DNAL1: variants seen among roughly 807,000 people sequenced by gnomAD.
The protein encoded by DNAL1 is chromosome 14 open reading frame 168.
DNAL1 carries 17 observed loss-of-function variants against 29.4 expected under a neutral mutation model. The ratio of observed to expected loss-of-function variants is 0.58; its 90% confidence interval spans 0.40 to 0.87. DNAL1 has a LOEUF of 0.87. DNAL1 is among the 40% of genes least tolerant of loss of function. DNAL1 has a pLI of 0.00. For missense variants in DNAL1, 188 were observed against 214.1 expected (o/e 0.88, Z 0.76); for synonymous variants, 78 against 76.3 (o/e 1.02, Z -0.12).
chr14:73,681,685 C>T (rs1460446647), intron 5 of DNAL1, among the ~76,000 whole-genome samples: 3 of 135,824 alleles, frequency 2.2e-5, no homozygotes, highest in Non-Finnish European at 3.0e-5. Flanking sequence ...ACACTGTAGT[C>T]CTAGGTATCA....
At chr14:73,645,134 G>A in intron 1 of DNAL1, 92 bp downstream of exon 1, 1 of 1,556,930 alleles carries the variant, frequency 6.4e-7, no homozygotes, top group South Asian at 1.2e-5. Flanking sequence ...GGGGGTCCTT[G>A]AACAGCGGAA....
intron 1 of DNAL1, among the ~76,000 whole-genome samples, chr14:73,647,981 T>C (rs1891017873): frequency 6.6e-6 from 1 of 152,106 alleles, no homozygotes. Flanking sequence ...CCATTTCTTC[T>C]TGTTTGTTCG....
intron 5 of DNAL1, among the ~76,000 whole-genome samples, chr14:73,678,690 A>G (rs1407347120): frequency 6.6e-6 from 1 of 152,082 alleles, no homozygotes; most frequent in African/African-American, 2.4e-5. Context: ...TTTTTCATAC[A>G]TGGACAAAGA....
At chr14:73,664,643 T>C (rs1490744917) in intron 4 of DNAL1, among the ~76,000 whole-genome samples, 1 of 152,028 alleles carries the variant, frequency 6.6e-6, no homozygotes, top group Non-Finnish European at 1.5e-5. Context: ...CTGAGGCAGG[T>C]GGATCACTTA....
chr14:73,645,067 C>T (rs1230324077), intron 1 of DNAL1, 25 bp downstream of exon 1: 3 of 1,606,516 alleles, frequency 1.9e-6, no homozygotes, highest in Non-Finnish European at 2.5e-6. Flanking sequence ...GGCCGCGTAG[C>T]CAAAGCTGAG....
At chr14:73,657,468 A>T (rs1891245314) in intron 2 of DNAL1, among the ~76,000 whole-genome samples, 1 of 152,236 alleles carries the variant, frequency 6.6e-6, no homozygotes, top group Non-Finnish European at 1.5e-5. Flanking sequence ...GGCATGAGCC[A>T]CTGTGCCTGT....
intron 7 of DNAL1, among the ~76,000 whole-genome samples, chr14:73,690,121 A>G (rs902162886): frequency 3.3e-5 from 5 of 152,158 alleles, no homozygotes; most frequent in East Asian, 3.9e-4. Context: ...TCTGTAGTCA[A>G]GCTATTCAAT....
At chr14:73,684,880 C>T (rs891941589) in intron 5 of DNAL1, among the ~76,000 whole-genome samples, 7 of 152,074 alleles carry the variant, frequency 4.6e-5, no homozygotes, top group African/African-American at 1.4e-4. Context: ...CGTAACAGAT[C>T]GAGACTCTGT....
intron 4 of DNAL1, among the ~76,000 whole-genome samples, chr14:73,662,586 G>T (rs1307780306): frequency 6.6e-6 from 1 of 152,098 alleles, no homozygotes; most frequent in Non-Finnish European, 1.5e-5. Context: ...GGCTGGAGGA[G>T]AATCTTTTTC....
intron 5 of DNAL1, among the ~76,000 whole-genome samples, chr14:73,677,649 C>T (rs186822010): frequency 3.1e-3 from 454 of 148,278 alleles, no homozygotes; most frequent in African/African-American, 0.011. Flanking sequence ...CTCCGCCTCC[C>T]GGGTTCCCGC....
intron 2 of DNAL1, among the ~76,000 whole-genome samples, chr14:73,657,375 CT>C (rs1446485459): frequency 6.6e-6 from 1 of 152,100 alleles, no homozygotes; most frequent in Non-Finnish European, 1.5e-5. Flanking sequence ...GAAATGAGGT[CT>C]TGCTATGTTG....
chr14:73,692,453 A>G (rs1227919404), intron 7 of DNAL1, among the ~76,000 whole-genome samples: 2 of 151,984 alleles, frequency 1.3e-5, no homozygotes, highest in African/African-American at 4.8e-5. Flanking sequence ...CTGCACAGGC[A>G]GTTCGAGACC....
At chr14:73,664,980 C>T (rs978979790) in intron 4 of DNAL1, among the ~76,000 whole-genome samples, 1 of 152,108 alleles carries the variant, frequency 6.6e-6, no homozygotes, top group African/African-American at 2.4e-5. Flanking sequence ...TAACAGTCTA[C>T]TTGGATTATA....
At chr14:73,669,585 ATTTT>A (rs1191993228) in intron 4 of DNAL1, among the ~76,000 whole-genome samples, 1 of 151,646 alleles carries the variant, frequency 6.6e-6, no homozygotes, top group Non-Finnish European at 1.5e-5. Flanking sequence ...TAAATTTTTT[ATTTT>A]TTATTTTTTA....
At chr14:73,686,077 T>G (rs1279699785) in intron 5 of DNAL1, among the ~76,000 whole-genome samples, 2 of 152,160 alleles carry the variant, frequency 1.3e-5, no homozygotes, top group Non-Finnish European at 1.5e-5. Context: ...TGTACAAGGT[T>G]CCAATTTCTC....
chr14:73,696,242 G>A lies in DNAL1; in HGVS notation c.*300G>A, dbSNP rs1443846614. 1 of 214,454 alleles carries A rather than the reference G, an allele frequency of 4.7e-6. No individual in the cohort carries two copies. The allele number at this position is 214,454 out of a possible 1,614,324, so 13.3% of individuals were successfully genotyped here. On this transcript the variant is annotated 3_prime_UTR_variant, in exon 8 of 8. Transcript: ENST00000553645. ...ACTAAAACAAAACCTTTGTAGACCA[G>A]TCATTTTTAATAACAAAGGAACAAA...
At chr14:73,679,856 G>C (rs11850045) in intron 5 of DNAL1, among the ~76,000 whole-genome samples, 3,715 of 149,444 alleles carry the variant, frequency 0.025, 124 homozygotes, top group African/African-American at 0.084. Flanking sequence ...TTTTACATGT[G>C]TCATGAGGCG....
chr14:73,677,884 T>TTGTG (rs566825653), intron 5 of DNAL1, among the ~76,000 whole-genome samples: 14,137 of 95,926 alleles, frequency 0.15, 1,653 homozygotes, highest in East Asian at 0.61. Context: ...ATATATATAT[T>TTGTG]TGTGTGTGTG....
At chr14:73,673,278 T>C (rs528123681) in intron 5 of DNAL1, among the ~76,000 whole-genome samples, 173 of 152,334 alleles carry the variant, frequency 1.1e-3, no homozygotes, top group African/African-American at 3.8e-3. Context: ...ATAAATGTAC[T>C]CCAGAACTTT....
Sources: allele counts gnomAD v4.1 joint callset (sites outside exome capture counted in the v4.1 genomes callset), GRCh38; gene constraint gnomAD v4.1.1; transcripts MANE v1.5; gene names NCBI Gene and HGNC (gene_info 2026-07-23, HGNC 2026-07-21).